Variants in NIM1K observed in about 807,000 individuals in gnomAD.
NIM1K encodes the protein serine/threonine-protein kinase NIM1.
Under a neutral mutation model 37.1 loss-of-function variants are expected in NIM1K, and 35 were observed. The observed-to-expected ratio is 0.94, with a 90% CI of 0.72 to 1.25. NIM1K has a LOEUF of 1.25. Among genes scored for constraint, NIM1K ranks in the 50% most tolerant of loss-of-function variants. NIM1K has a pLI of 0.00. For synonymous variants in NIM1K, 234 were observed against 206.6 expected (o/e 1.13, Z -1.14); for missense variants, 564 against 548.0 (o/e 1.03, Z -0.29).
chr5:43,248,958 T>C (rs1752825257), intron 2 of NIM1K, among the ~76,000 whole-genome samples: 1 of 151,668 alleles, frequency 6.6e-6, no homozygotes, highest in Non-Finnish European at 1.5e-5. Context: ...CACCTCAACC[T>C]CCGCCTCCCA....
intron 1 of NIM1K, chr5:43,207,399 G>A: frequency 2.3e-6 from 2 of 860,722 alleles, no homozygotes; most frequent in Non-Finnish European, 4.0e-6. Context: ...AAAACGTGTG[G>A]CGATGTCTTA....
intron 1 of NIM1K, among the ~76,000 whole-genome samples, chr5:43,243,733 T>C (rs1404829016): frequency 6.6e-6 from 1 of 152,142 alleles, no homozygotes; most frequent in Non-Finnish European, 1.5e-5. Context: ...TGGAGTACAG[T>C]GGCTTGATCT....
chr5:43,262,977 G>T (rs920668750), intron 2 of NIM1K, among the ~76,000 whole-genome samples: 2 of 152,168 alleles, frequency 1.3e-5, no homozygotes, highest in African/African-American at 4.8e-5. Context: ...GATCGTGGTG[G>T]ATAAGCTTTT....
chr5:43,261,948 G>A (rs1753037486), intron 2 of NIM1K, among the ~76,000 whole-genome samples: 1 of 152,094 alleles, frequency 6.6e-6, no homozygotes, highest in Admixed American at 6.6e-5. Flanking sequence ...AGAGGGCTCC[G>A]TTCTGTTCCA....
chr5:43,215,932 G>C (rs1373144396), intron 1 of NIM1K, among the ~76,000 whole-genome samples: 1 of 152,156 alleles, frequency 6.6e-6, no homozygotes, highest in African/African-American at 2.4e-5. Flanking sequence ...AGTCCAGAAT[G>C]ACTGCAGATA....
chr5:43,226,121 A>T (rs573322158), intron 1 of NIM1K, among the ~76,000 whole-genome samples: 1 of 152,164 alleles, frequency 6.6e-6, no homozygotes, highest in African/African-American at 2.4e-5. Context: ...CAAGGGTGTG[A>T]TTGAGAATGA....
intron 2 of NIM1K, among the ~76,000 whole-genome samples, chr5:43,256,740 C>G (rs1292624389): frequency 6.6e-6 from 1 of 152,202 alleles, no homozygotes; most frequent in Non-Finnish European, 1.5e-5. Context: ...TGGCCAGCAA[C>G]CACTGACTGG....
chr5:43,223,185 G>A (rs1387822643), intron 1 of NIM1K, among the ~76,000 whole-genome samples: 5 of 150,464 alleles, frequency 3.3e-5, no homozygotes, highest in Non-Finnish European at 7.4e-5. Flanking sequence ...AAAACATTCA[G>A]GAAATAACTA....
chr5:43,239,478 T>A (rs1164570028), intron 1 of NIM1K, among the ~76,000 whole-genome samples: 1 of 149,754 alleles, frequency 6.7e-6, no homozygotes, highest in East Asian at 2.0e-4. Flanking sequence ...GACCTCATGA[T>A]CCGCCTGCCT....
At chr5:43,199,058 C>T (rs891826658) in intron 1 of NIM1K, among the ~76,000 whole-genome samples, 2 of 150,938 alleles carry the variant, frequency 1.3e-5, no homozygotes, top group Non-Finnish European at 3.0e-5. Flanking sequence ...CATGGTGGCA[C>T]GTGCCTGTAA....
At chr5:43,224,072 T>G (rs1252948581) in intron 1 of NIM1K, among the ~76,000 whole-genome samples, 2 of 152,104 alleles carry the variant, frequency 1.3e-5, no homozygotes, top group Non-Finnish European at 2.9e-5. Flanking sequence ...TTTGTTTTTT[T>G]TTTCCTTTTT....
At chr5:43,219,910 A>G (rs1157238327) in intron 1 of NIM1K, among the ~76,000 whole-genome samples, 2 of 152,114 alleles carry the variant, frequency 1.3e-5, no homozygotes, top group Non-Finnish European at 2.9e-5. Flanking sequence ...TATTTTTAAT[A>G]GAGACAGGGT....
intron 2 of NIM1K, among the ~76,000 whole-genome samples, chr5:43,251,951 G>A (rs1195360438): frequency 2.0e-5 from 3 of 152,098 alleles, no homozygotes; most frequent in Non-Finnish European, 4.4e-5. Context: ...TTTGAGTCAC[G>A]TGGGCCACTA....
chr5:43,217,013 G>A (rs892455630), intron 1 of NIM1K, among the ~76,000 whole-genome samples: 2 of 152,076 alleles, frequency 1.3e-5, no homozygotes, highest in Admixed American at 6.6e-5. Context: ...CTCATTTAAA[G>A]TATACAACTC....
chr5:43,280,297 C>T lies in NIM1K; in HGVS notation c.879C>T (p.His293=). The T allele has an allele frequency of 6.2e-7, 1 of 1,614,116 alleles. No individual in the cohort carries two copies. The highest frequency in any genetic ancestry group is 8.5e-7 in the Non-Finnish European group (1 of 1,179,994). Residue 293 remains histidine, a synonymous_variant, in exon 4 of 4, where the codon CAC becomes CAT. Coordinates refer to ENST00000326035, the MANE Select transcript of NIM1K (RefSeq NM_153361.4). ...AGGGCACATACAGTGTACCGCCGCA[C>T]GTGTCAGAGCCCTGCCACCGACTCA... ...ILEGTYSVPP[H]VSEPCHRLIR... is the part of the protein sequence containing the mutation.
At chr5:43,278,079 T>G (rs542186901) in intron 3 of NIM1K, among the ~76,000 whole-genome samples, 1 of 149,570 alleles carries the variant, frequency 6.7e-6, no homozygotes, top group South Asian at 2.2e-4. Flanking sequence ...AGAGTCTTCC[T>G]CTGTCACCCA....
intron 2 of NIM1K, among the ~76,000 whole-genome samples, chr5:43,252,178 C>T (rs1752875830): frequency 6.6e-6 from 1 of 152,056 alleles, no homozygotes; most frequent in African/African-American, 2.4e-5. Flanking sequence ...TTCTCGGGTT[C>T]CAAAGACTTC....
chr5:43,279,573 C>T (rs1753405757), intron 3 of NIM1K, among the ~76,000 whole-genome samples: 1 of 152,220 alleles, frequency 6.6e-6, no homozygotes, highest in Admixed American at 6.5e-5. Flanking sequence ...CCCCAAAAAG[C>T]ATGGCCGGAA....
chr5:43,272,351 G>A (rs1450716669), intron 2 of NIM1K, among the ~76,000 whole-genome samples: 1 of 151,804 alleles, frequency 6.6e-6, no homozygotes, highest in Non-Finnish European at 1.5e-5. Context: ...CCTGTTTTAT[G>A]CTCCTAATGC....
Sources: gnomAD v4.1 joint callset for allele counts (sites outside exome capture counted in the v4.1 genomes callset) on GRCh38, gnomAD v4.1.1 for gene constraint, MANE v1.5 for transcripts, NCBI Gene and HGNC (gene_info 2026-07-23, HGNC 2026-07-21) for gene names.